PFKP: variants seen among roughly 807,000 people sequenced by gnomAD.
PFKP encodes the protein ATP-dependent 6-phosphofructokinase, platelet type.
Under a neutral mutation model 94.3 loss-of-function variants are expected in PFKP, and 101 were observed. The observed-to-expected ratio is 1.07, with a 90% CI of 0.91 to 1.26. The LOEUF (loss-of-function observed/expected upper bound fraction) is 1.26, where lower values mean the gene tolerates loss of function less well. Ranked by LOEUF, PFKP falls within the 50% of genes most tolerant of loss-of-function variation. The pLI is 0.00. For synonymous variants in PFKP, 573 were observed against 432.6 expected, an observed-to-expected ratio of 1.32 and a Z score of -4.03; for missense variants, 1,145 against 1,103.3, an observed-to-expected ratio of 1.04 and a Z score of -0.53.
intron 16 of PFKP, among the ~76,000 whole-genome samples, chr10:3,121,813 T>C (rs1401209161): frequency 0.51 from 48,319 of 95,138 alleles, 10,783 homozygotes; most frequent in South Asian, 0.6. Context: ...CTTTTTTTTT[T>C]TTTTTTTTTT....
intron 2 of PFKP, among the ~76,000 whole-genome samples, chr10:3,087,306 G>C (rs976776620): frequency 2.6e-5 from 4 of 152,094 alleles, no homozygotes; most frequent in Admixed American, 1.3e-4. Flanking sequence ...TGTTCTCTCT[G>C]TCTCAGCTGG....
At chr10:3,071,695 G>T (rs1832211157) in intron 1 of PFKP, among the ~76,000 whole-genome samples, 1 of 152,188 alleles carries the variant, frequency 6.6e-6, no homozygotes, top group Non-Finnish European at 1.5e-5. Context: ...AAGTCCAGGT[G>T]CATCCTTAGG....
At chr10:3,068,486 G>C (rs1294930203) in intron 1 of PFKP, 2 of 175,784 alleles carry the variant, frequency 1.1e-5, no homozygotes, top group Non-Finnish European at 2.2e-5. Flanking sequence ...CTCCGCAGAC[G>C]GGAAGGATCA....
intron 17 of PFKP, among the ~76,000 whole-genome samples, 172 bp from the exon 18 acceptor site, chr10:3,132,208 G>A (rs564808422): frequency 3.4e-4 from 52 of 152,310 alleles, no homozygotes; most frequent in Admixed American, 3.1e-3. Flanking sequence ...CGCTGCAGAC[G>A]TGTCCTCCCT....
intron 17 of PFKP, among the ~76,000 whole-genome samples, chr10:3,130,672 G>GC (rs202024757): frequency 0.014 from 2,190 of 152,258 alleles, 52 homozygotes; most frequent in African/African-American, 0.048. Flanking sequence ...CGATTCACCT[G>GC]CCTTAGCCTC....
intron 16 of PFKP, among the ~76,000 whole-genome samples, chr10:3,126,082 T>A (rs1185288293): frequency 2.6e-5 from 4 of 152,190 alleles, no homozygotes; most frequent in African/African-American, 9.6e-5. Flanking sequence ...CTCCGGAGTT[T>A]GCAGTGAAAA....
chr10:3,106,647 ACCC>A (rs1479011829), intron 7 of PFKP, among the ~76,000 whole-genome samples: 7 of 7,066 alleles, frequency 9.9e-4, no homozygotes, highest in East Asian at 9.8e-3. Context: ...CCCTCTCCTC[ACCC>A]CTGCCCCTCT....
chr10:3,083,438 G>C (rs906778175), intron 2 of PFKP, among the ~76,000 whole-genome samples: 1 of 151,942 alleles, frequency 6.6e-6, no homozygotes, highest in Admixed American at 6.6e-5. Context: ...ATGAGAAGAA[G>C]GTATTTTTGT....
In PFKP at chr10:3,132,360, A is replaced by T; in HGVS notation, c.1849-20A>T. ...CTTAGTAGAAGTTTATTGTCTGATT[A>T]ACAAAATACTCTCTTCCAGTCCAAC... On this transcript the variant is annotated intron_variant, in intron 17 of 21. Transcript: ENST00000381125. 1 of 1,584,554 alleles carries T rather than the reference A, an allele frequency of 6.3e-7. No homozygotes were observed. Among genetic ancestry groups the T allele is most frequent in the Non-Finnish European group, 8.7e-7 (1 of 1,153,352 alleles).
At position 3,105,519 on chromosome 10, in the gene PFKP, G is replaced by T. The variant is rs1333679270; in HGVS notation, c.774+18G>T. 1.2e-5 allele frequency: 18 copies of T among 1,523,368 alleles called. No individual in the cohort carries two copies. The highest frequency in any genetic ancestry group is 1.6e-5 in the Non-Finnish European group (18 of 1,097,274). 94.4% of individuals were successfully genotyped at this position (1,523,368 alleles called of 1,614,324 possible). On this transcript the variant is annotated intron_variant, in intron 7 of 21. Coordinates refer to ENST00000381125, the MANE Select transcript of PFKP (RefSeq NM_002627.5). ...TCTCGGAGGTAATGCGGGTCCCGTG[G>T]CCGTTGATAGCGGGCGATGCTGGCT...
intron 2 of PFKP, among the ~76,000 whole-genome samples, chr10:3,090,161 T>C (rs1833932549): frequency 6.6e-6 from 1 of 152,306 alleles, no homozygotes; most frequent in South Asian, 2.1e-4. Flanking sequence ...GTGGATAAAA[T>C]GTGGCGTATA....
rs1049872107 is a variant in PFKP, at chr10:3,101,550, G to C, written c.450G>C (p.Arg150Ser). Residue 150 changes from arginine (R) to serine (S), a missense_variant, in exon 4 of 22, where the codon AGG becomes AGC. By Grantham distance (110) the Arg-to-Ser change is moderately radical. This residue lies in a region of PFKP where 1,119 missense variants were observed against 1,062.8 expected (regional missense o/e 1.05). Transcript: ENST00000381125. ...EWSGLLEELA[R>S]NGQIDKEAVQ... ...GTGGGCTGCTGGAGGAGCTGGCCAG[G>C]AACGGTGAGTGGACACCTGCTCCTC... 1 of 1,537,726 alleles carries C rather than the reference G, an allele frequency of 6.5e-7. No individual in the cohort carries two copies. Among genetic ancestry groups the C allele is most frequent in the Non-Finnish European group, 8.8e-7 (1 of 1,141,834 alleles).
At chr10:3,096,806 C>T (rs574690230) in intron 2 of PFKP, among the ~76,000 whole-genome samples, 21 of 149,784 alleles carry the variant, frequency 1.4e-4, no homozygotes, top group Non-Finnish European at 2.7e-4. Context: ...AGGCCGGGTG[C>T]GGCGGCTCAT....
At chr10:3,117,956 A>G (rs1836999815) in intron 14 of PFKP, among the ~76,000 whole-genome samples, 2 of 152,162 alleles carry the variant, frequency 1.3e-5, no homozygotes, top group Non-Finnish European at 2.9e-5. Context: ...AAATCTACCA[A>G]GAGTACAAGT....
At position 3,107,329 on chromosome 10, in the gene PFKP, C is replaced by T. The variant is rs755713489; in HGVS notation, c.870+20C>T. The T allele has an allele frequency of 8.9e-6, 13 of 1,458,400 alleles. No homozygotes were observed. The highest frequency in any genetic ancestry group is 1.3e-5 in the Non-Finnish European group (13 of 1,039,138). 90.3% of individuals were successfully genotyped at this position (1,458,400 alleles called of 1,614,324 possible). A position where few individuals can be genotyped will look rare whatever the true frequency, so the allele number is the denominator to read the frequency against. On this transcript the variant is annotated intron_variant, in intron 8 of 21. Coordinates refer to ENST00000381125, the MANE Select transcript of PFKP (RefSeq NM_002627.5). ...AAAGAGGTGAGTGTGTGTAGCTGCT[C>T]ACTTTCTCTCGGTTTCTGCCTGGAA...
intron 7 of PFKP, among the ~76,000 whole-genome samples, chr10:3,106,959 C>T (rs117781684): frequency 0.012 from 168 of 13,468 alleles, 13 homozygotes; most frequent in Admixed American, 0.02. Flanking sequence ...CCTCTCCTCA[C>T]CCTGCCCCTG....
chr10:3,111,488 C>T (rs1470364331), intron 10 of PFKP, among the ~76,000 whole-genome samples: 1 of 152,078 alleles, frequency 6.6e-6, no homozygotes, highest in Non-Finnish European at 1.5e-5. Context: ...TGGTAGGTGT[C>T]ACTTGCCCTG....
intron 20 of PFKP, among the ~76,000 whole-genome samples, chr10:3,135,328 T>G (rs1027434631): frequency 3.3e-5 from 5 of 152,256 alleles, no homozygotes; most frequent in African/African-American, 1.2e-4. Context: ...AATGGGTTTG[T>G]CTTTTTGAAG....
rs371423615 is a variant in PFKP at position 3,105,531 on chromosome 10, G to C, written c.774+30G>C. ...TGCGGGTCCCGTGGCCGTTGATAGC[G>C]GGCGATGCTGGCTGCATTGCTTTAA... is the stretch of plus-strand genomic sequence containing the variant. On this transcript the variant is annotated intron_variant, in intron 7 of 21. Coordinates refer to ENST00000381125, the MANE Select transcript of PFKP (RefSeq NM_002627.5). 5 of 1,442,016 alleles carry C rather than the reference G, an allele frequency of 3.5e-6. No homozygotes were observed. In the Admixed American group the frequency reaches 8.4e-5, roughly 24 times the overall value. 89.3% of individuals were successfully genotyped at this position (1,442,016 alleles called of 1,614,324 possible).
Sources: allele counts gnomAD v4.1 joint callset (sites outside exome capture counted in the v4.1 genomes callset), GRCh38; gene constraint gnomAD v4.1.1; regional missense constraint gnomAD v4.1.1; transcripts MANE v1.5; gene names NCBI Gene and HGNC (gene_info 2026-07-23, HGNC 2026-07-21).